Variants in CDH4 observed in about 807,000 individuals in gnomAD.
The protein encoded by CDH4 is cadherin 4, also known as cadherin-4.
CDH4 carries 33 observed loss-of-function variants against 86.0 expected under a neutral mutation model. The observed-to-expected ratio is 0.38, with a 90% CI of 0.29 to 0.51. The LOEUF (loss-of-function observed/expected upper bound fraction) is 0.51, where lower values mean the gene tolerates loss of function less well. Ranked by LOEUF, CDH4 falls within the 20% of genes least tolerant of loss-of-function variation. The pLI is 0.86. For synonymous variants in CDH4, 555 were observed against 549.4 expected (o/e 1.01, Z -0.14); for missense variants, 1,114 against 1,307.4 (o/e 0.85, Z 2.28).
At position 61,564,173 on chromosome 20, in the gene CDH4, A is replaced by G. The variant is rs80237878; in HGVS notation, c.170-179390A>G. On this transcript the variant is annotated intron_variant, in intron 2 of 15. Transcript: ENST00000614565. ...CCTAAATCCAGGACAACCTCATCCT[A>G]AGACTCTGAGTTACATCTGCAAAGA... Among the ~76,000 whole-genome samples the G allele has an allele frequency of 8.2e-3, 1,249 of 152,216 alleles. 20 individuals carry two copies. Among genetic ancestry groups the G allele is most frequent in the African/African-American group, 0.028 (1,158 of 41,526 alleles).
At chr20:61,828,266 A>T (rs1000227341) in intron 4 of CDH4, among the ~76,000 whole-genome samples, 3 of 152,196 alleles carry the variant, frequency 2.0e-5, no homozygotes, top group Non-Finnish European at 4.4e-5. Flanking sequence ...CATTACCCGC[A>T]TCTAACGAAA....
intron 2 of CDH4, among the ~76,000 whole-genome samples, chr20:61,733,915 C>T (rs1003629553): frequency 2.6e-5 from 4 of 152,222 alleles, no homozygotes; most frequent in Non-Finnish European, 5.9e-5. Flanking sequence ...CCTGCATGCC[C>T]GTCTTGGGGA....
chr20:61,792,681 G>A (rs1344457800), intron 4 of CDH4, among the ~76,000 whole-genome samples: 3 of 151,360 alleles, frequency 2.0e-5, no homozygotes, highest in African/African-American at 7.3e-5. Flanking sequence ...ATGGGGTCTT[G>A]CTCTGATGGC....
intron 2 of CDH4, among the ~76,000 whole-genome samples, chr20:61,553,918 C>T (rs1414660890): frequency 6.6e-6 from 1 of 152,182 alleles, no homozygotes; most frequent in Admixed American, 6.5e-5. Context: ...AGGTGAGCCT[C>T]AGATGCAACT....
intron 2 of CDH4, among the ~76,000 whole-genome samples, chr20:61,644,730 C>T (rs1046256944): frequency 6.6e-6 from 1 of 152,226 alleles, no homozygotes; most frequent in Non-Finnish European, 1.5e-5. Flanking sequence ...TCTGCCCTAC[C>T]GTTCCTGGCT....
At chr20:61,667,575 A>C (rs1172778911) in intron 2 of CDH4, among the ~76,000 whole-genome samples, 2 of 152,186 alleles carry the variant, frequency 1.3e-5, no homozygotes, top group Non-Finnish European at 2.9e-5. Flanking sequence ...ATGTGAGCAT[A>C]CACGTGTGCC....
At chr20:61,426,524 G>C (rs529881701) in intron 2 of CDH4, among the ~76,000 whole-genome samples, 3 of 152,146 alleles carry the variant, frequency 2.0e-5, no homozygotes, top group Non-Finnish European at 2.9e-5. Flanking sequence ...TGCAGAAGAC[G>C]GTCTGCCTGT....
At chr20:61,803,766 T>C (rs145758910) in intron 4 of CDH4, among the ~76,000 whole-genome samples, 2 of 152,362 alleles carry the variant, frequency 1.3e-5, no homozygotes, top group African/African-American at 4.8e-5. Context: ...TTATAAACTG[T>C]CAGTGAAAGT....
In CDH4 at chr20:61,516,662, C is replaced by T. The variant is rs568259076; in HGVS notation, c.170-226901C>T. Among the ~76,000 whole-genome samples the T allele has an allele frequency of 1.6e-4, 25 of 152,278 alleles. No individual in the cohort carries two copies. The highest frequency in any genetic ancestry group is 1.2e-3 in the East Asian group (6 of 5,160). On this transcript the variant is annotated intron_variant, in intron 2 of 15. Coordinates refer to ENST00000614565, the MANE Select transcript of CDH4 (RefSeq NM_001794.5). This position sits in a 1 kb window ranked among gnomAD's most constrained non-coding sequence, Gnocchi z 4.0. ...CAAAGTATCAGACCCTCAGAGAGGC[C>T]GGATTGATTGTAATAGCACAGGGCT...
intron 2 of CDH4, among the ~76,000 whole-genome samples, chr20:61,556,007 C>G (rs893268691): frequency 2.0e-5 from 3 of 152,142 alleles, no homozygotes; most frequent in Non-Finnish European, 4.4e-5. Context: ...GCTCTGAGCA[C>G]GAAGCCGCCC....
rs59426596 is a variant in CDH4 at position 61,794,142 on chromosome 20, C to CAAAAAA, written c.576+20970_576+20975dup. On this transcript the variant is annotated intron_variant, in intron 4 of 15. Coordinates refer to ENST00000614565, the MANE Select transcript of CDH4 (RefSeq NM_001794.5). ...TGGGCAACAGAGTGAGACTCTATCTCAAAAAAAAAAAAAAAGAATGAGCCT... is the reference window on the plus strand; with the variant it reads ...TGGGCAACAGAGTGAGACTCTATCTCAAAAAAAAAAAAAAAAAAAAAGAATGAGCCT... Among the ~76,000 whole-genome samples the CAAAAAA allele has an allele frequency of 9.0e-5, 11 of 121,648 alleles. 1 individual carries two copies. The highest frequency in any genetic ancestry group is 1.6e-4 in the African/African-American group (5 of 30,788). The allele number at this position is 121,648 out of a possible 152,430, so 79.8% of individuals were successfully genotyped here.
chr20:61,689,015 C>T (rs2145869331), intron 2 of CDH4, among the ~76,000 whole-genome samples: 1 of 152,384 alleles, frequency 6.6e-6, no homozygotes, highest in African/African-American at 2.4e-5. Flanking sequence ...CAGCTCCCTC[C>T]TCGCCTTCCC....
chr20:61,654,134 C>A (rs554603407), intron 2 of CDH4, among the ~76,000 whole-genome samples: 34 of 152,256 alleles, frequency 2.2e-4, no homozygotes, highest in African/African-American at 7.7e-4. Flanking sequence ...GCCTGGGCAC[C>A]ATTGAGCACT....
At chr20:61,590,645 C>T (rs1817617948) in intron 2 of CDH4, among the ~76,000 whole-genome samples, 1 of 152,202 alleles carries the variant, frequency 6.6e-6, no homozygotes, top group South Asian at 2.1e-4. Context: ...AGGCTCTGAC[C>T]TCAGGCAGCC....
rs1488154494 is a variant in CDH4 at position 61,867,564 on chromosome 20, AG to A, written c.878-6163del. ...GACTCCATCCAAAAAAAAAAAAAAG[AG>A]AGAGAGAGAGCTTATGATAAAATTG... On this transcript the variant is annotated intron_variant, in intron 6 of 15. Coordinates refer to ENST00000614565, the MANE Select transcript of CDH4 (RefSeq NM_001794.5). Among the ~76,000 whole-genome samples, 204 of 107,712 alleles carry A rather than the reference AG, an allele frequency of 1.9e-3. 1 individual carries two copies. Among genetic ancestry groups the A allele is most frequent in the South Asian group, 0.018 (51 of 2,876 alleles). 70.7% of individuals were successfully genotyped at this position (107,712 alleles called of 152,430 possible).
chr20:61,720,342 A>G (rs2088022331), intron 2 of CDH4, among the ~76,000 whole-genome samples: 1 of 152,134 alleles, frequency 6.6e-6, no homozygotes, highest in Admixed American at 6.5e-5. Flanking sequence ...GAAGCAGGGC[A>G]GCAACTTGAG....
chr20:61,852,627 C>T (rs1982777417), intron 5 of CDH4, 127 bp from the exon 6 acceptor site: 2 of 885,864 alleles, frequency 2.3e-6, no homozygotes, highest in East Asian at 2.9e-5. Context: ...GTCCAAAGCC[C>T]CCCGGCCCCT....
intron 2 of CDH4, among the ~76,000 whole-genome samples, chr20:61,486,483 C>A (rs538566435): frequency 6.6e-6 from 1 of 152,234 alleles, no homozygotes; most frequent in African/African-American, 2.4e-5. Context: ...TAGCTCTGAA[C>A]GCTCATGGCT....
chr20:61,531,686 C>T (rs1034975874), intron 2 of CDH4, among the ~76,000 whole-genome samples: 6 of 152,142 alleles, frequency 3.9e-5, no homozygotes, highest in African/African-American at 9.7e-5. Flanking sequence ...CAAGTGCATG[C>T]GTGGACATGG....
Sources: allele counts gnomAD v4.1 joint callset (sites outside exome capture counted in the v4.1 genomes callset), GRCh38; gene constraint gnomAD v4.1.1; non-coding constraint Gnocchi (gnomAD v3.1); transcripts MANE v1.5; gene names NCBI Gene and HGNC (gene_info 2026-07-23, HGNC 2026-07-21).